Variants in CCDC50 observed in about 807,000 individuals in gnomAD.
CCDC50 encodes the protein coiled-coil domain-containing protein 50.
A neutral mutation model predicts 70.2 loss-of-function variants in CCDC50; 54 were observed. The observed-to-expected ratio is 0.77, with a 90% CI of 0.62 to 0.96. The LOEUF is 0.96. Ranked by LOEUF, CCDC50 falls within the 50% of genes least tolerant of loss-of-function variation. The pLI, the probability that CCDC50 is intolerant of heterozygous loss-of-function variation, is 0.00. For synonymous variants in CCDC50, 216 were observed against 198.8 expected, an observed-to-expected ratio of 1.09 and a Z score of -0.73; for missense variants, 558 against 578.7, an observed-to-expected ratio of 0.96 and a Z score of 0.37.
chr3:191,391,140 GTTTA>G (rs1713681138), intron 11 of CCDC50, among the ~76,000 whole-genome samples: 1 of 152,126 alleles, frequency 6.6e-6, no homozygotes, highest in Non-Finnish European at 1.5e-5. Context: ...AATTGATGCT[GTTTA>G]TTTGTTATGA....
chr3:191,364,218 G>C (rs1253252683), intron 4 of CCDC50, among the ~76,000 whole-genome samples: 1 of 151,974 alleles, frequency 6.6e-6, no homozygotes, highest in Non-Finnish European at 1.5e-5. Context: ...ACGGGCGCCT[G>C]GCACCACGTC....
chr3:191,389,883 C>A (rs1376551446), intron 11 of CCDC50, among the ~76,000 whole-genome samples: 1 of 86,314 alleles, frequency 1.2e-5, no homozygotes, highest in African/African-American at 4.8e-5. Context: ...TTTTTTGAGT[C>A]GGAGTCTCAC....
intron 9 of CCDC50, among the ~76,000 whole-genome samples, chr3:191,381,388 A>G (rs1191648628): frequency 1.3e-5 from 2 of 152,174 alleles, no homozygotes; most frequent in East Asian, 3.8e-4. Flanking sequence ...ACTGAAAGAT[A>G]CATACTTATC....
rs114637092 is a variant in CCDC50, at chr3:191,380,974, A to T, written c.1242+42A>T. On this transcript the variant is annotated intron_variant, in intron 9 of 11. Coordinates refer to ENST00000392455, the MANE Select transcript of CCDC50 (RefSeq NM_178335.3). ...TTGTTTTCTAATTAGAAATAAAATT[A>T]GAAATGAAAAGGGGACTCTGCTTTT... 2.4e-4 allele frequency: 362 copies of T among 1,478,722 alleles called. 1 individual carries two copies. The African/African-American group carries it at 4.6e-3, about 19-fold the overall frequency. The allele number at this position is 1,478,722 out of a possible 1,614,324, so 91.6% of individuals were successfully genotyped here.
chr3:191,376,353 A>G (rs1431977226), intron 6 of CCDC50, among the ~76,000 whole-genome samples: 1 of 152,160 alleles, frequency 6.6e-6, no homozygotes, highest in Non-Finnish European at 1.5e-5. Flanking sequence ...GTACCTATAT[A>G]AGAATGAGGT....
Position 191,375,351 on chromosome 3 carries a change from T to C in CCDC50, c.738T>C (p.Phe246=), listed in dbSNP as rs1576969102. 1 of 1,613,732 alleles carries C rather than the reference T, an allele frequency of 6.2e-7. No homozygotes were observed. Among genetic ancestry groups the C allele is most frequent in the Non-Finnish European group, 8.5e-7 (1 of 1,179,838 alleles). The change falls in exon 6 of 12, where the codon TTT becomes TTC. Residue 246 remains phenylalanine (F), a synonymous_variant. Transcript: ENST00000392455. ...PLLPTISGEV[F]LSTECDDWET... ...TTCCCACGATCAGTGGTGAAGTGTT[T>C]CTGAGCACTGAATGTGATGACTGGG...
At chr3:191,365,763 A>G (rs1314152410) in intron 4 of CCDC50, among the ~76,000 whole-genome samples, 1 of 152,118 alleles carries the variant, frequency 6.6e-6, no homozygotes, top group Non-Finnish European at 1.5e-5. Context: ...ACTCATTGCC[A>G]TTGGAGGATA....
intron 1 of CCDC50, among the ~76,000 whole-genome samples, chr3:191,330,241 C>T (rs1717923457): frequency 1.3e-5 from 2 of 151,918 alleles, no homozygotes; most frequent in Non-Finnish European, 2.9e-5. Flanking sequence ...AAAGTTTAGT[C>T]TTGGCTGTGT....
chr3:191,377,681 A>G (rs1479547905), intron 6 of CCDC50, among the ~76,000 whole-genome samples: 2 of 152,154 alleles, frequency 1.3e-5, no homozygotes, highest in Non-Finnish European at 1.5e-5. Flanking sequence ...CTATCATTTT[A>G]CCTTATTCCA....
At chr3:191,344,473 T>C (rs1222974863) in intron 1 of CCDC50, among the ~76,000 whole-genome samples, 1 of 152,244 alleles carries the variant, frequency 6.6e-6, no homozygotes, top group African/African-American at 2.4e-5. Context: ...GCGGCTACCA[T>C]ATATAGTGTG....
At chr3:191,364,735 AG>A (rs1456241101) in intron 4 of CCDC50, among the ~76,000 whole-genome samples, 1 of 152,128 alleles carries the variant, frequency 6.6e-6, no homozygotes, top group Admixed American at 6.5e-5. Flanking sequence ...TAAGGAAAGT[AG>A]CATTTCCATG....
At chr3:191,347,890 G>C (rs1711978410) in intron 1 of CCDC50, among the ~76,000 whole-genome samples, 1 of 142,040 alleles carries the variant, frequency 7.0e-6, no homozygotes, top group African/African-American at 2.5e-5. Flanking sequence ...CTGTGCACTA[G>C]TCGTCATTGT....
At chr3:191,381,774 G>A (rs1713328868) in intron 9 of CCDC50, among the ~76,000 whole-genome samples, 1 of 152,076 alleles carries the variant, frequency 6.6e-6, no homozygotes, top group Non-Finnish European at 1.5e-5. Flanking sequence ...ATGAAACCTA[G>A]GTTGTGTATT....
In CCDC50 at chr3:191,359,591, A is replaced by G. The variant is rs1712412993; in HGVS notation, c.239+1467A>G. ...AAGATTTGAAGGCAGCTGTTGAGCA[A>G]TGGTCAAATTAAGAGATGGTGAGGC... On this transcript the variant is annotated intron_variant, in intron 3 of 11. Transcript: ENST00000392455. 2.6e-5 allele frequency among the ~76,000 whole-genome samples: 4 copies of G among 152,282 alleles called. No homozygotes were observed. In the South Asian group the frequency reaches 8.3e-4, roughly 32 times the overall value.
At position 191,375,312 on chromosome 3, in the gene CCDC50, T is replaced by C; in HGVS notation, c.699T>C (p.Pro233=). 6.2e-7 allele frequency: 1 copy of C among 1,613,764 alleles called. No homozygotes were observed. Among genetic ancestry groups the C allele is most frequent in the Non-Finnish European group, 8.5e-7 (1 of 1,179,834 alleles). The part of the protein sequence containing the change: ...HERKRSTQER[P]RRPLLPTISG... Reference sequence around the variant, plus strand: ...GGAAACGGTCCACTCAGGAGAGGCCTCGGAGACCTCTGCTTCCCACGATCA... The same window carrying C: ...GGAAACGGTCCACTCAGGAGAGGCCCCGGAGACCTCTGCTTCCCACGATCA... Residue 233 remains proline, a synonymous_variant, in exon 6 of 12, where the codon CCT becomes CCC. Coordinates refer to ENST00000392455, the MANE Select transcript of CCDC50 (RefSeq NM_178335.3).
chr3:191,334,493 TGTTCTAG>T (rs1718080796), intron 1 of CCDC50, among the ~76,000 whole-genome samples: 1 of 152,138 alleles, frequency 6.6e-6, no homozygotes, highest in African/African-American at 2.4e-5. Context: ...TAAAAACCAC[TGTTCTAG>T]GCCAACTTCC....
Position 191,369,915 on chromosome 3 carries a change from G to A in CCDC50, c.331-4G>A. 1.2e-6 allele frequency: 2 copies of A among 1,601,084 alleles called. No homozygotes were observed. Among genetic ancestry groups the A allele is most frequent in the African/African-American group, 1.3e-5 (1 of 74,780 alleles). ...GTATTTCCATTCTCCTCTTGTCTTT[G>A]CAGGACATAGCTCGCCTTTTGCAAG... On this transcript the variant is annotated splice_region_variant and splice_polypyrimidine_tract_variant and intron_variant, in intron 4 of 11. Coordinates refer to ENST00000392455, the MANE Select transcript of CCDC50 (RefSeq NM_178335.3).
At chr3:191,363,686 A>G (rs1576961836) in intron 4 of CCDC50, among the ~76,000 whole-genome samples, 1 of 152,352 alleles carries the variant, frequency 6.6e-6, no homozygotes, top group East Asian at 1.9e-4. Flanking sequence ...ACGTGTCATT[A>G]CAGGTCTCCC....
chr3:191,386,343 G>C (rs1428005465), intron 10 of CCDC50, among the ~76,000 whole-genome samples: 1 of 148,974 alleles, frequency 6.7e-6, no homozygotes, highest in Non-Finnish European at 1.5e-5. Flanking sequence ...TTCTGCCTCA[G>C]CCTCCCAAGT....
Sources: allele counts gnomAD v4.1 joint callset (sites outside exome capture counted in the v4.1 genomes callset), GRCh38; gene constraint gnomAD v4.1.1; transcripts MANE v1.5; gene names NCBI Gene and HGNC (gene_info 2026-07-23, HGNC 2026-07-21).